A1CF: variants seen among roughly 807,000 people sequenced by gnomAD.
A1CF encodes APOBEC-1 stimulating protein.
A neutral mutation model predicts 68.9 loss-of-function variants in A1CF; 48 were observed. The observed-to-expected ratio is 0.70, with a 90% CI of 0.55 to 0.89. The LOEUF is 0.89. Among genes scored for constraint, A1CF ranks in the 40% least tolerant of loss-of-function variants. The probability of loss-of-function intolerance (pLI) is 0.00; values close to 1 mark genes in which losing one functional copy is unlikely to be tolerated. For synonymous variants in A1CF, 272 were observed against 260.4 expected (o/e 1.04, Z -0.43); for missense variants, 653 against 718.9 (o/e 0.91, Z 1.05).
intron 12 of A1CF, 54 bp downstream of exon 12, chr10:50,809,839 AG>A: frequency 5.0e-6 from 8 of 1,602,288 alleles, no homozygotes; most frequent in Non-Finnish European, 6.0e-6. Flanking sequence ...GTACCAAAAA[AG>A]GGTTTCCCAA....
At chr10:50,860,638 AC>A (rs1210057489) in intron 2 of A1CF, among the ~76,000 whole-genome samples, 6 of 152,178 alleles carry the variant, frequency 3.9e-5, no homozygotes, top group Non-Finnish European at 5.9e-5. Flanking sequence ...GTACATGAAA[AC>A]TTTTGTAAAT....
At chr10:50,835,986 G>C (rs1172017213) in intron 6 of A1CF, 88 bp downstream of exon 6, 2 of 1,258,984 alleles carry the variant, frequency 1.6e-6, no homozygotes, top group Non-Finnish European at 2.2e-6. Flanking sequence ...ATGAAAGATA[G>C]CCAAAAAAAA....
At chr10:50,873,794 T>A (rs1479735766) in intron 1 of A1CF, among the ~76,000 whole-genome samples, 2 of 152,008 alleles carry the variant, frequency 1.3e-5, no homozygotes, top group Non-Finnish European at 2.9e-5. Flanking sequence ...TAGAGTAAAT[T>A]AAAATAGCAA....
At chr10:50,835,692 T>C (rs758587062) in intron 6 of A1CF, among the ~76,000 whole-genome samples, 7 of 152,204 alleles carry the variant, frequency 4.6e-5, no homozygotes, top group Non-Finnish European at 8.8e-5. Flanking sequence ...AAGGTATCAC[T>C]TGAGGTTTTT....
chr10:50,814,158 A>G (rs1185977268), intron 9 of A1CF, 120 bp from the exon 10 acceptor site: 5 of 1,084,984 alleles, frequency 4.6e-6, no homozygotes, highest in Non-Finnish European at 6.6e-6. Flanking sequence ...CACGTTGATT[A>G]TTGCCCTGAA....
chr10:50,814,570 A>G (rs1005421092), intron 9 of A1CF, among the ~76,000 whole-genome samples: 2 of 152,236 alleles, frequency 1.3e-5, no homozygotes, highest in African/African-American at 4.8e-5. Flanking sequence ...TAGGTTCACC[A>G]TGCTCTCTGA....
intron 3 of A1CF, among the ~76,000 whole-genome samples, chr10:50,859,399 G>T (rs1415424376): frequency 6.6e-6 from 1 of 152,166 alleles, no homozygotes; most frequent in Non-Finnish European, 1.5e-5. Context: ...AGTGTTCTGA[G>T]AGAACAAACT....
At chr10:50,823,545 C>G (rs886996550) in intron 7 of A1CF, 1 of 152,112 alleles carries the variant, frequency 6.6e-6, no homozygotes, top group Non-Finnish European at 1.5e-5. Flanking sequence ...AAGTGTGGTG[C>G]CCTGACCAGC....
At chr10:50,864,644 G>A (rs2132548711) in intron 1 of A1CF, among the ~76,000 whole-genome samples, 1 of 152,068 alleles carries the variant, frequency 6.6e-6, no homozygotes, top group African/African-American at 2.4e-5. Flanking sequence ...TTGAGATGGA[G>A]TTTTGCTCTT....
At chr10:50,857,134 C>T (rs1840517375) in intron 3 of A1CF, among the ~76,000 whole-genome samples, 1 of 152,050 alleles carries the variant, frequency 6.6e-6, no homozygotes, top group Admixed American at 6.6e-5. Flanking sequence ...TTACTGAATA[C>T]TATTTCATCT....
In A1CF at chr10:50,845,712, G is replaced by A. The variant is rs547698776; in HGVS notation, c.100-1590C>T. On this transcript the variant is annotated intron_variant, in intron 3 of 12. Transcript: ENST00000373997. ...CTTATGCCTGTAATCCCAGCACTTT[G>A]GGAGGCTGAGGTGGGTGGATGGCTT... Among the ~76,000 whole-genome samples, 166 of 152,324 alleles carry A rather than the reference G, an allele frequency of 1.1e-3. 1 individual carries two copies. The highest frequency in any genetic ancestry group is 3.8e-3 in the African/African-American group (160 of 41,572).
intron 3 of A1CF, among the ~76,000 whole-genome samples, chr10:50,856,563 A>T (rs567887259): frequency 6.6e-6 from 1 of 152,244 alleles, no homozygotes; most frequent in South Asian, 2.1e-4. Flanking sequence ...TAAAATTGCA[A>T]TCTTAAAAGT....
At position 50,806,497 on chromosome 10, in the gene A1CF, AG is replaced by A. The variant is rs549255835; in HGVS notation, c.*231del. 5 of 291,894 alleles carry A rather than the reference AG, an allele frequency of 1.7e-5. No individual in the cohort carries two copies. Among genetic ancestry groups the A allele is most frequent in the Non-Finnish European group, 3.1e-5 (5 of 163,100 alleles). 18.1% of individuals were successfully genotyped at this position (291,894 alleles called of 1,614,324 possible). A position where few individuals can be genotyped will look rare whatever the true frequency, so the allele number is the denominator to read the frequency against. On this transcript the variant is annotated 3_prime_UTR_variant, in exon 13 of 13. Coordinates refer to ENST00000373997, the MANE Select transcript of A1CF (RefSeq NM_014576.4). ...AGACTGGAAGAACAACTTTTGGGGC[AG>A]TGGCTCTCCAGCTTTCTGTTAAACA...
At chr10:50,866,366 G>T (rs1282255405) in intron 1 of A1CF, among the ~76,000 whole-genome samples, 1 of 152,168 alleles carries the variant, frequency 6.6e-6, no homozygotes, top group Non-Finnish European at 1.5e-5. Flanking sequence ...ATTCTTGGGG[G>T]TTCAAGACTT....
intron 7 of A1CF, chr10:50,824,475 T>C (rs1838825958): frequency 6.6e-6 from 1 of 152,326 alleles, no homozygotes; most frequent in South Asian, 2.1e-4. Context: ...ACACACATAA[T>C]GTTCCTATGC....
At chr10:50,807,865 A>T (rs1837909819) in intron 12 of A1CF, among the ~76,000 whole-genome samples, 1 of 152,156 alleles carries the variant, frequency 6.6e-6, no homozygotes, top group African/African-American at 2.4e-5. Context: ...AACCCCAGAC[A>T]CATTGATTTT....
chr10:50,836,262 A>G lies in A1CF; in HGVS notation c.416T>C (p.Phe139Ser), dbSNP rs778016954. The G allele has an allele frequency of 1.2e-6, 2 of 1,613,980 alleles. No individual in the cohort carries two copies. The highest frequency in any genetic ancestry group is 1.7e-6 in the Non-Finnish European group (2 of 1,179,890). The change falls in exon 6 of 13, where the codon TTT becomes TCT. Residue 139 changes from phenylalanine to serine, a missense_variant. Physicochemically the swap from Phe to Ser is radical, Grantham distance 155. Coordinates refer to ENST00000373997, the MANE Select transcript of A1CF (RefSeq NM_014576.4). Reference protein sequence around the residue: ...VCASVDNCRLFVGGIPKTKKR... With the variant: ...VCASVDNCRLSVGGIPKTKKR... ...TTTGGTTTTTGGGATGCCCCCAACA[A>G]ATAATCGGCAGTTGTCCACACTGGC... is the stretch of plus-strand genomic sequence containing the variant.
At chr10:50,853,802 T>A (rs1564523012) in intron 3 of A1CF, among the ~76,000 whole-genome samples, 2 of 146,028 alleles carry the variant, frequency 1.4e-5, no homozygotes, top group African/African-American at 5.3e-5. Context: ...AGGCTTTTTT[T>A]TAAAAAAAAT....
At chr10:50,831,968 A>C (rs190358289) in intron 6 of A1CF, among the ~76,000 whole-genome samples, 1 of 152,284 alleles carries the variant, frequency 6.6e-6, no homozygotes, top group East Asian at 1.9e-4. Context: ...GTTGATGGGA[A>C]TGTAAGTTGG....
Sources: gnomAD v4.1 joint callset for allele counts (sites outside exome capture counted in the v4.1 genomes callset) on GRCh38, gnomAD v4.1.1 for gene constraint, MANE v1.5 for transcripts, NCBI Gene and HGNC (gene_info 2026-07-23, HGNC 2026-07-21) for gene names.